The following CPVL variants were observed in gnomAD, a reference collection of about 807,000 sequenced individuals.
The protein encoded by CPVL is carboxypeptidase vitellogenic like.
CPVL carries 51 observed loss-of-function variants against 63.7 expected under a neutral mutation model. That is an observed-to-expected ratio of 0.80 (90% CI 0.64 to 1.01). CPVL has a LOEUF of 1.01. Among genes scored for constraint, CPVL ranks in the 50% least tolerant of loss-of-function variants. The probability of loss-of-function intolerance (pLI) is 0.00; values close to 1 mark genes in which losing one functional copy is unlikely to be tolerated. For synonymous variants in CPVL, 195 were observed against 206.0 expected, an observed-to-expected ratio of 0.95 and a Z score of 0.46; for missense variants, 530 against 573.1, an observed-to-expected ratio of 0.92 and a Z score of 0.77.
chr7:29,030,877 TTTTCTTC>T (rs1787960681), intron 11 of CPVL, 118 bp from the exon 12 acceptor site: 2 of 880,934 alleles, frequency 2.3e-6, no homozygotes, highest in African/African-American at 3.4e-5. Flanking sequence ...CTCTCTGAGA[TTTTCTTC>T]TAGTTAGCCA....
intron 5 of CPVL, among the ~76,000 whole-genome samples, chr7:29,170,811 C>A (rs777353389): frequency 6.6e-6 from 1 of 152,008 alleles, no homozygotes; most frequent in Admixed American, 6.6e-5. Flanking sequence ...TGGCGGAAGG[C>A]GAGGAGGAGC....
intron 2 of CPVL, chr7:29,113,744 C>A (rs889766663): frequency 2.0e-5 from 3 of 152,280 alleles, no homozygotes; most frequent in African/African-American, 7.2e-5. Flanking sequence ...GTTCCTTCCC[C>A]CAGGGCTTTC....
At chr7:29,100,568 G>A (rs979275800) in intron 3 of CPVL, among the ~76,000 whole-genome samples, 3 of 152,116 alleles carry the variant, frequency 2.0e-5, no homozygotes, top group African/African-American at 4.8e-5. Flanking sequence ...ACAATGAACC[G>A]GACCTCTGGA....
Position 29,174,636 on chromosome 7 carries a change from G to A in CPVL, c.-11+6654C>T, listed in dbSNP as rs559821742. 2.2e-4 allele frequency among the ~76,000 whole-genome samples: 34 copies of A among 152,232 alleles called. No homozygotes were observed. In the East Asian group the frequency reaches 5.0e-3, roughly 23 times the overall value. On this transcript the variant is annotated intron_variant, in intron 5 of 16. Coordinates refer to the CPVL transcript ENST00000409850. ...AGCACTTTGGGAGGCCGACTTGGGC[G>A]GATCACCTGAGGTCAGGAGTTCGAG...
chr7:29,125,982 G>A (rs990241478), intron 1 of CPVL, among the ~76,000 whole-genome samples: 23 of 152,180 alleles, frequency 1.5e-4, no homozygotes, highest in African/African-American at 5.3e-4. Flanking sequence ...CAGCGCAAGA[G>A]AGCTGATGGT....
intron 5 of CPVL, among the ~76,000 whole-genome samples, chr7:29,155,801 G>C (rs1794280459): frequency 6.6e-6 from 1 of 152,112 alleles, no homozygotes; most frequent in South Asian, 2.1e-4. Context: ...CCTTGTGATG[G>C]ATTTTTTTTT....
chr7:29,138,148 A>G (rs943215715), intron 1 of CPVL, among the ~76,000 whole-genome samples: 4 of 152,198 alleles, frequency 2.6e-5, no homozygotes, highest in Non-Finnish European at 2.9e-5. Flanking sequence ...AAAAATAATT[A>G]GAAGGTTGAC....
chr7:29,112,879 G>T, intron 2 of CPVL, 57 bp from the exon 3 acceptor site: 1 of 1,164,850 alleles, frequency 8.6e-7, no homozygotes, highest in South Asian at 1.2e-5. Context: ...CAACAAAAAT[G>T]TGAGCCATCT....
chr7:29,146,556 G>A (rs1040072572), upstream of CPVL: 5 of 1,530,678 alleles, frequency 3.3e-6, no homozygotes, highest in East Asian at 1.2e-4. Context: ...TGCAGAACTC[G>A]AGCCTTTAAG....
At chr7:29,080,605 A>G (rs899944863) in intron 7 of CPVL, among the ~76,000 whole-genome samples, 9 of 151,864 alleles carry the variant, frequency 5.9e-5, no homozygotes, top group African/African-American at 2.2e-4. Flanking sequence ...GGAAATAAAT[A>G]TCAATATTTT....
Position 29,113,220 on chromosome 7 carries a change from G to GT in CPVL, c.170-399dup, listed in dbSNP as rs144874235. Reference sequence around the variant, plus strand: ...TGACCTGAAACAGTGGGGTGCAAGAGTAACAATGTGGTGAAGCAGCTCTCG... The same window carrying GT: ...TGACCTGAAACAGTGGGGTGCAAGAGTTAACAATGTGGTGAAGCAGCTCTCG... On this transcript the variant is annotated intron_variant, in intron 2 of 12. Coordinates refer to ENST00000265394, the MANE Select transcript of CPVL (RefSeq NM_031311.5). Among the ~76,000 whole-genome samples, 812 of 152,254 alleles carry GT rather than the reference G, an allele frequency of 5.3e-3. 13 individuals carry two copies. Among genetic ancestry groups the GT allele is most frequent in the African/African-American group, 0.018 (765 of 41,538 alleles).
At chr7:29,086,642 A>G in intron 6 of CPVL, 92 bp from the exon 7 acceptor site, 1 of 947,012 alleles carries the variant, frequency 1.1e-6, no homozygotes, top group South Asian at 1.4e-5. Context: ...CTCTTTGGCA[A>G]TAGGTTTCAC....
intron 3 of CPVL, among the ~76,000 whole-genome samples, chr7:29,110,827 C>T (rs1402146657): frequency 6.6e-6 from 1 of 152,130 alleles, no homozygotes. Flanking sequence ...TCATAAGAGT[C>T]CTTTTAGAAG....
chr7:29,062,296 G>A (rs942577519), intron 11 of CPVL, among the ~76,000 whole-genome samples: 1 of 152,112 alleles, frequency 6.6e-6, no homozygotes, highest in Non-Finnish European at 1.5e-5. Flanking sequence ...TAAAGACAAC[G>A]CGTTCTGAGA....
chr7:29,125,090 G>A (rs1789857814), intron 1 of CPVL: 1 of 152,092 alleles, frequency 6.6e-6, no homozygotes, highest in African/African-American at 2.4e-5. Flanking sequence ...GCATAAATGT[G>A]AGATGCTATT....
intron 11 of CPVL, 23 bp downstream of exon 11, chr7:29,064,038 A>G: frequency 6.4e-7 from 1 of 1,553,586 alleles, no homozygotes; most frequent in Non-Finnish European, 8.8e-7. Context: ...TTCCTAAAAT[A>G]GTAACTGAAG....
intron 3 of CPVL, among the ~76,000 whole-genome samples, chr7:29,109,200 G>T (rs1788015081): frequency 6.6e-6 from 1 of 152,102 alleles, no homozygotes; most frequent in Admixed American, 6.6e-5. Flanking sequence ...TCTCTTGCAG[G>T]TTGTATTCCC....
At chr7:29,128,989 T>G (rs891065630) in intron 1 of CPVL, among the ~76,000 whole-genome samples, 1 of 152,152 alleles carries the variant, frequency 6.6e-6, no homozygotes, top group Non-Finnish European at 1.5e-5. Flanking sequence ...CTTATCTTCC[T>G]TCATCTGTGT....
At chr7:29,068,208 G>A (rs1783333468) in intron 9 of CPVL, among the ~76,000 whole-genome samples, 2 of 151,770 alleles carry the variant, frequency 1.3e-5, no homozygotes, top group Admixed American at 1.3e-4. Flanking sequence ...ATAGAGACGG[G>A]GTTTCACCAT....
Sources: allele counts gnomAD v4.1 joint callset (sites outside exome capture counted in the v4.1 genomes callset), GRCh38; gene constraint gnomAD v4.1.1; transcripts MANE v1.5; gene names NCBI Gene and HGNC (gene_info 2026-07-23, HGNC 2026-07-21).